Variants in ZZZ3 observed in about 807,000 individuals in gnomAD.
The protein encoded by ZZZ3 is zinc finger ZZ-type containing 3, also known as ZZ-type zinc finger-containing protein 3.
Under a neutral mutation model 95.2 loss-of-function variants are expected in ZZZ3, and 22 were observed. The observed-to-expected ratio is 0.23, with a 90% CI of 0.17 to 0.33. The LOEUF is 0.33. Ranked by LOEUF, ZZZ3 falls within the 10% of genes least tolerant of loss-of-function variation. The pLI is 1.00. For missense variants in ZZZ3, 885 were observed against 1,066.5 expected, an observed-to-expected ratio of 0.83 and a Z score of 2.37; for synonymous variants, 335 against 358.9, an observed-to-expected ratio of 0.93 and a Z score of 0.75.
chr1:77,566,468 C>T (rs1433872145), intron 13 of ZZZ3, among the ~76,000 whole-genome samples: 1 of 152,138 alleles, frequency 6.6e-6, no homozygotes, highest in East Asian at 1.9e-4. Context: ...AAATCATCTC[C>T]AACTTGGGTG....
At chr1:77,567,704 T>C (rs1474189047) in intron 13 of ZZZ3, among the ~76,000 whole-genome samples, 1 of 152,148 alleles carries the variant, frequency 6.6e-6, no homozygotes, top group African/African-American at 2.4e-5. Context: ...TACTGCTGAA[T>C]CTCTAGCACT....
chr1:77,596,035 A>G (rs1664182980), intron 5 of ZZZ3, among the ~76,000 whole-genome samples: 2 of 152,076 alleles, frequency 1.3e-5, no homozygotes, highest in South Asian at 4.1e-4. Flanking sequence ...ATACCAAGTA[A>G]AGAATTTCTG....
chr1:77,620,104 C>T (rs1666700846), intron 5 of ZZZ3, among the ~76,000 whole-genome samples: 1 of 152,072 alleles, frequency 6.6e-6, no homozygotes, highest in South Asian at 2.1e-4. Flanking sequence ...TAAGATTTCT[C>T]AGAGAATATG....
chr1:77,672,560 G>A (rs1357254984), intron 1 of ZZZ3, among the ~76,000 whole-genome samples: 2 of 152,124 alleles, frequency 1.3e-5, no homozygotes, highest in Admixed American at 6.5e-5. Flanking sequence ...GTCTCCTGAC[G>A]TACTAAATCT....
chr1:77,625,070 A>G (rs761260314), intron 5 of ZZZ3, among the ~76,000 whole-genome samples: 3 of 152,184 alleles, frequency 2.0e-5, no homozygotes, highest in Non-Finnish European at 2.9e-5. Flanking sequence ...GTATAGAAGG[A>G]AAAAAGTTGG....
At chr1:77,668,984 C>A (rs1671492989) in intron 1 of ZZZ3, among the ~76,000 whole-genome samples, 1 of 150,724 alleles carries the variant, frequency 6.6e-6, no homozygotes. Flanking sequence ...CTATGCCAAA[C>A]ATATTCTTCA....
In ZZZ3 at chr1:77,579,634, C is replaced by G; in HGVS notation, c.1981-6G>C. 6.5e-7 allele frequency: 1 copy of G among 1,546,108 alleles called. No homozygotes were observed. Among genetic ancestry groups the G allele is most frequent in the Non-Finnish European group, 8.7e-7 (1 of 1,148,294 alleles). On this transcript the variant is annotated splice_region_variant and splice_polypyrimidine_tract_variant and intron_variant, in intron 9 of 14. Coordinates refer to ENST00000370801, the MANE Select transcript of ZZZ3 (RefSeq NM_015534.6). ...AGTAGCTGTTCCAGCTTTTTCTAAG[C>G]CATACCCAAGACCAAATTTAAGAAA... is the stretch of plus-strand genomic sequence containing the variant.
At chr1:77,659,645 G>A (rs1021465348) in intron 1 of ZZZ3, among the ~76,000 whole-genome samples, 17 of 149,174 alleles carry the variant, frequency 1.1e-4, no homozygotes, top group African/African-American at 3.5e-4. Flanking sequence ...ATCACGCCAC[G>A]GCACTCCAGC....
At chr1:77,657,575 A>T (rs1189890970) in intron 1 of ZZZ3, among the ~76,000 whole-genome samples, 1 of 152,216 alleles carries the variant, frequency 6.6e-6, no homozygotes, top group Non-Finnish European at 1.5e-5. Context: ...ACATGTCCGC[A>T]AATGACTGCG....
At position 77,620,484 on chromosome 1, in the gene ZZZ3, TGGAAGGAAGGAAGGAAGGAA is replaced by T. The variant is rs67469701; in HGVS notation, c.1505+11346_1505+11365del. On this transcript the variant is annotated intron_variant, in intron 5 of 14. Transcript: ENST00000370801. ...TAGAAAGAAAGAAAGAACGAAAGAA[TGGAAGGAAGGAAGGAAGGAA>T]GGAAGGAAGGAAGGAAGGAAGGAAG... is the stretch of plus-strand genomic sequence containing the variant. Among the ~76,000 whole-genome samples the T allele has an allele frequency of 2.7e-3, 360 of 135,830 alleles. 2 individuals carry two copies. Among genetic ancestry groups the T allele is most frequent in the Admixed American group, 5.6e-3 (75 of 13,282 alleles). 89.1% of individuals were successfully genotyped at this position (135,830 alleles called of 152,430 possible). A position where few individuals can be genotyped will look rare whatever the true frequency, so the allele number is the denominator to read the frequency against.
intron 1 of ZZZ3, among the ~76,000 whole-genome samples, chr1:77,664,753 A>T (rs952356731): frequency 6.6e-6 from 1 of 152,232 alleles, no homozygotes; most frequent in South Asian, 2.1e-4. Context: ...ATGGACAACA[A>T]AAAGTACCTT....
chr1:77,612,826 G>A (rs1482979792), intron 5 of ZZZ3, among the ~76,000 whole-genome samples: 1 of 151,916 alleles, frequency 6.6e-6, no homozygotes, highest in East Asian at 1.9e-4. Context: ...TAGGTCAAAG[G>A]ATACAAAATT....
chr1:77,584,967 A>T (rs1055561249), intron 5 of ZZZ3: 18 of 170,626 alleles, frequency 1.1e-4, no homozygotes, highest in Admixed American at 6.2e-4. Context: ...ACTGCTAGAT[A>T]AAAAAAATAT....
rs527549685 is a variant in ZZZ3, at chr1:77,578,926, G to T, written c.2083-57C>A. 8.8e-6 allele frequency: 10 copies of T among 1,133,688 alleles called. No homozygotes were observed. The South Asian group carries it at 1.8e-4, about 20-fold the overall frequency. 70.2% of individuals were successfully genotyped at this position (1,133,688 alleles called of 1,614,324 possible). A position where few individuals can be genotyped will look rare whatever the true frequency, so the allele number is the denominator to read the frequency against. On this transcript the variant is annotated intron_variant, in intron 10 of 14. Coordinates refer to ENST00000370801, the MANE Select transcript of ZZZ3 (RefSeq NM_015534.6). ...TGAGATGACATACAATACCTGAGTC[G>T]TTTTTAAAAATTAAAACGTACATGA...
intron 5 of ZZZ3, among the ~76,000 whole-genome samples, chr1:77,613,188 A>G (rs1665975640): frequency 6.6e-6 from 1 of 152,176 alleles, no homozygotes; most frequent in South Asian, 2.1e-4. Context: ...TAACTTCTTC[A>G]TGGATTATTA....
intron 5 of ZZZ3, among the ~76,000 whole-genome samples, chr1:77,601,246 C>T (rs1424559170): frequency 6.6e-6 from 1 of 152,088 alleles, no homozygotes; most frequent in Non-Finnish European, 1.5e-5. Context: ...ACCTACCAAA[C>T]CGACTACTAA....
At chr1:77,600,330 C>T (rs990342582) in intron 5 of ZZZ3, among the ~76,000 whole-genome samples, 1 of 152,064 alleles carries the variant, frequency 6.6e-6, no homozygotes, top group African/African-American at 2.4e-5. Context: ...CAAGATTTCA[C>T]CCATTTATTC....
chr1:77,657,390 T>C (rs1670368332), intron 1 of ZZZ3, among the ~76,000 whole-genome samples: 1 of 152,122 alleles, frequency 6.6e-6, no homozygotes, highest in African/African-American at 2.4e-5. Context: ...GACAGCACTT[T>C]AGCACTACAC....
chr1:77,571,698 T>C (rs1285520750), intron 12 of ZZZ3, among the ~76,000 whole-genome samples: 1 of 152,250 alleles, frequency 6.6e-6, no homozygotes, highest in Non-Finnish European at 1.5e-5. Context: ...AAATACTGTA[T>C]GCTTCCACTT....
Sources: gnomAD v4.1 joint callset for allele counts (sites outside exome capture counted in the v4.1 genomes callset) on GRCh38, gnomAD v4.1.1 for gene constraint, MANE v1.5 for transcripts, NCBI Gene and HGNC (gene_info 2026-07-23, HGNC 2026-07-21) for gene names.